Variants in NTRK3 observed in about 807,000 individuals in gnomAD.
The protein encoded by NTRK3 is neurotrophic receptor tyrosine kinase 3, also known as NT-3 growth factor receptor.
A neutral mutation model predicts 91.7 loss-of-function variants in NTRK3; 24 were observed. That is an observed-to-expected ratio of 0.26 (90% confidence interval 0.19 to 0.37). NTRK3 has a LOEUF of 0.37. Ranked by LOEUF, NTRK3 falls within the 10% of genes least tolerant of loss-of-function variation. The pLI is 1.00. For missense variants in NTRK3, 880 were observed against 1,068.9 expected, an observed-to-expected ratio of 0.82 and a Z score of 2.46; for synonymous variants, 483 against 404.0, an observed-to-expected ratio of 1.20 and a Z score of -2.34.
At chr15:88,073,633 T>C (rs1476514634) in intron 13 of NTRK3, among the ~76,000 whole-genome samples, 1 of 152,112 alleles carries the variant, frequency 6.6e-6, no homozygotes, top group Admixed American at 6.5e-5. Context: ...AGGTACAAAA[T>C]AATGGAGATT....
At chr15:88,108,937 C>G (rs1035627927) in intron 13 of NTRK3, among the ~76,000 whole-genome samples, 3 of 152,206 alleles carry the variant, frequency 2.0e-5, no homozygotes, top group Non-Finnish European at 2.9e-5. Flanking sequence ...AATTCTCTCT[C>G]TAATCCACTT....
intron 14 of NTRK3, among the ~76,000 whole-genome samples, chr15:87,974,828 T>C (rs902698468): frequency 2.6e-5 from 4 of 152,040 alleles, no homozygotes; most frequent in Admixed American, 2.6e-4. Flanking sequence ...TCAGGGATGG[T>C]GCTCATCCCT....
At chr15:88,122,571 G>A (rs1410784721) in intron 13 of NTRK3, among the ~76,000 whole-genome samples, 1 of 152,172 alleles carries the variant, frequency 6.6e-6, no homozygotes, top group Non-Finnish European at 1.5e-5. Context: ...GCAAATATAA[G>A]ACAAAACAGT....
chr15:87,888,737 T>C (rs188018122), intron 17 of NTRK3, among the ~76,000 whole-genome samples: 23 of 152,346 alleles, frequency 1.5e-4, no homozygotes, highest in Non-Finnish European at 2.6e-4. Context: ...GTCCCAGATA[T>C]TGCATAGAAC....
chr15:87,885,499 G>A (rs2065485459), intron 17 of NTRK3, among the ~76,000 whole-genome samples, 195 bp downstream of exon 18: 1 of 151,812 alleles, frequency 6.6e-6, no homozygotes, highest in Non-Finnish European at 1.5e-5. Context: ...AGATAGCAAA[G>A]CATTTTATCA....
intron 3 of NTRK3, among the ~76,000 whole-genome samples, chr15:88,188,025 T>A (rs1183795286): frequency 1.3e-5 from 2 of 152,092 alleles, no homozygotes; most frequent in African/African-American, 4.8e-5. Context: ...GGTTTCCCTG[T>A]TCCAGGACCA....
At chr15:87,887,224 T>C (rs1160318531) in intron 17 of NTRK3, among the ~76,000 whole-genome samples, 1 of 152,150 alleles carries the variant, frequency 6.6e-6, no homozygotes, top group Non-Finnish European at 1.5e-5. Context: ...CTGAGAAGAA[T>C]CTTCAAAATT....
chr15:87,898,625 C>T (rs1362307434), intron 17 of NTRK3, among the ~76,000 whole-genome samples: 1 of 151,990 alleles, frequency 6.6e-6, no homozygotes, highest in Non-Finnish European at 1.5e-5. Context: ...CTTTAAGCGA[C>T]ATTAATAATA....
At chr15:88,070,190 G>A (rs1397587253) in intron 13 of NTRK3, among the ~76,000 whole-genome samples, 1 of 152,146 alleles carries the variant, frequency 6.6e-6, no homozygotes, top group African/African-American at 2.4e-5. Context: ...AATGAGAAGA[G>A]GAGAAAAGGT....
At chr15:87,903,789 G>C (rs2066592564) in intron 17 of NTRK3, among the ~76,000 whole-genome samples, 1 of 152,146 alleles carries the variant, frequency 6.6e-6, no homozygotes, top group African/African-American at 2.4e-5. Flanking sequence ...CAAGACTTGG[G>C]ATAGCAATGA....
intron 5 of NTRK3, among the ~76,000 whole-genome samples, chr15:88,177,942 A>C (rs964271640): frequency 6.6e-6 from 1 of 152,236 alleles, no homozygotes; most frequent in Non-Finnish European, 1.5e-5. Context: ...TTCCTTTCAA[A>C]GCTCAGAGAA....
chr15:88,031,026 A>G (rs916094625), intron 14 of NTRK3, among the ~76,000 whole-genome samples: 1 of 152,224 alleles, frequency 6.6e-6, no homozygotes, highest in African/African-American at 2.4e-5. Flanking sequence ...GCCTCACAGA[A>G]AAAACACATG....
chr15:88,050,419 C>T (rs1369925304), intron 13 of NTRK3, among the ~76,000 whole-genome samples: 7 of 151,938 alleles, frequency 4.6e-5, no homozygotes, highest in Admixed American at 3.3e-4. Flanking sequence ...GGAATGTTTT[C>T]TACTTCAGAT....
exon 19 of NTRK3, chr15:87,876,875 G>C (rs1419116546): frequency 7.0e-6 from 11 of 1,572,538 alleles, no homozygotes; most frequent in Non-Finnish European, 9.6e-6. Context: ...AGGTGGAAGG[G>C]AGATGTGAGG....
chr15:88,009,689 G>C (rs759489585), intron 14 of NTRK3, among the ~76,000 whole-genome samples: 3 of 152,194 alleles, frequency 2.0e-5, no homozygotes, highest in Non-Finnish European at 4.4e-5. Flanking sequence ...ACAAGATGCT[G>C]CTTTGCAGAT....
At chr15:87,877,184 C>A in intron 18 of NTRK3, 64 bp from the exon 20 acceptor site, 7 of 1,568,292 alleles carry the variant, frequency 4.5e-6, no homozygotes. Context: ...GTGGCTCAGA[C>A]TCGGCAAAAA....
At chr15:87,949,328 C>A (rs981231784) in intron 14 of NTRK3, among the ~76,000 whole-genome samples, 1 of 152,010 alleles carries the variant, frequency 6.6e-6, no homozygotes, top group African/African-American at 2.4e-5. Flanking sequence ...CCTCAGTCTC[C>A]GGCTCCCCAG....
At chr15:88,035,445 C>A (rs1360377408) in intron 13 of NTRK3, among the ~76,000 whole-genome samples, 2 of 152,180 alleles carry the variant, frequency 1.3e-5, no homozygotes, top group African/African-American at 4.8e-5. Context: ...TCATCTCATA[C>A]CAGCACCCTG....
chr15:88,232,186 C>G lies in NTRK3; in HGVS notation c.248+23720G>C, dbSNP rs558345839. Among the ~76,000 whole-genome samples, 441 of 152,240 alleles carry G rather than the reference C, an allele frequency of 2.9e-3. 1 individual carries two copies. The highest frequency in any genetic ancestry group is 0.01 in the African/African-American group (428 of 41,534). ...GCCTGAAATGTCCTGCCTCACCTCC[C>G]TCTCTATCCAGGTCCTACCTGTACA... is the stretch of plus-strand genomic sequence containing the variant. On this transcript the variant is annotated intron_variant, in intron 3 of 18. Transcript: ENST00000394480.
Sources: gnomAD v4.1 joint callset for allele counts (sites outside exome capture counted in the v4.1 genomes callset) on GRCh38, gnomAD v4.1.1 for gene constraint, MANE v1.5 for transcripts, NCBI Gene and HGNC (gene_info 2026-07-23, HGNC 2026-07-21) for gene names.